The following LRP1B variants were observed in gnomAD, a reference collection of about 807,000 sequenced individuals.
The protein encoded by LRP1B is LDL receptor related protein 1B.
In LRP1B, 217 loss-of-function variants were observed where a neutral mutation model predicts 556.6. The ratio of observed to expected loss-of-function variants is 0.39; its 90% CI spans 0.35 to 0.44. The LOEUF (loss-of-function observed/expected upper bound fraction) is 0.44, where lower values mean the gene tolerates loss of function less well. Among genes scored for constraint, LRP1B ranks in the 20% least tolerant of loss-of-function variants. The pLI, the probability that LRP1B is intolerant of heterozygous loss-of-function variation, is 1.00. For missense variants in LRP1B, 5,053 were observed against 5,620.8 expected (o/e 0.90, Z 3.23); for synonymous variants, 2,047 against 1,865.8 (o/e 1.10, Z -2.50).
At chr2:141,856,145 A>G (rs1698043545) in intron 1 of LRP1B, among the ~76,000 whole-genome samples, 1 of 152,160 alleles carries the variant, frequency 6.6e-6, no homozygotes, top group African/African-American at 2.4e-5. Context: ...CATTTTATGC[A>G]ACCTTCTTGA....
intron 43 of LRP1B, among the ~76,000 whole-genome samples, chr2:140,559,494 T>C (rs1393991821): frequency 6.6e-6 from 1 of 152,036 alleles, no homozygotes; most frequent in Non-Finnish European, 1.5e-5. Context: ...TTAAATCAAC[T>C]GCAGATTTGT....
chr2:142,105,220 T>G (rs1345507165), intron 1 of LRP1B, among the ~76,000 whole-genome samples: 1 of 152,194 alleles, frequency 6.6e-6, no homozygotes. Flanking sequence ...ACGTTTCATT[T>G]TATTCTAAAA....
At chr2:141,801,260 C>A (rs1376742685) in intron 2 of LRP1B, among the ~76,000 whole-genome samples, 1 of 151,944 alleles carries the variant, frequency 6.6e-6, no homozygotes, top group Non-Finnish European at 1.5e-5. Flanking sequence ...GTCAAGTATA[C>A]AAGTTTGTTT....
At chr2:141,151,899 TTATAAC>T (rs905876939) in intron 7 of LRP1B, among the ~76,000 whole-genome samples, 23 of 152,162 alleles carry the variant, frequency 1.5e-4, no homozygotes, top group Admixed American at 1.3e-3. Context: ...TTGTGGAAGT[TTATAAC>T]TATGGCAAGA....
intron 6 of LRP1B, among the ~76,000 whole-genome samples, chr2:141,223,631 ATAC>A (rs1221145789): frequency 1.3e-5 from 2 of 152,210 alleles, no homozygotes; most frequent in African/African-American, 4.8e-5. Context: ...ACTTCAAACT[ATAC>A]TACAAGGCTA....
intron 1 of LRP1B, among the ~76,000 whole-genome samples, chr2:142,004,537 T>C (rs1702746485): frequency 1.3e-5 from 2 of 151,962 alleles, no homozygotes; most frequent in African/African-American, 2.4e-5. Context: ...AATATATATT[T>C]CTATATTATT....
At chr2:140,418,010 T>C (rs1685273656) in intron 66 of LRP1B, among the ~76,000 whole-genome samples, 1 of 152,160 alleles carries the variant, frequency 6.6e-6, no homozygotes, top group African/African-American at 2.4e-5. Context: ...CAGAGATTTC[T>C]TTTAGAAAAC....
In LRP1B at chr2:141,436,183, C is replaced by T. The variant is rs78195192; in HGVS notation, c.343+44213G>A. ...TGTACATGATGATTTAACATATGTA[C>T]ATATGTATACATTATGAAATGATTA... On this transcript the variant is annotated intron_variant, in intron 3 of 90. Coordinates refer to ENST00000389484, the MANE Select transcript of LRP1B (RefSeq NM_018557.3). Among the ~76,000 whole-genome samples, 496 of 152,236 alleles carry T rather than the reference C, an allele frequency of 3.3e-3. 2 individuals are homozygous for T. Among genetic ancestry groups the T allele is most frequent in the African/African-American group, 0.012 (482 of 41,534 alleles).
At chr2:141,224,207 A>G (rs574011267) in intron 6 of LRP1B, among the ~76,000 whole-genome samples, 1 of 152,228 alleles carries the variant, frequency 6.6e-6, no homozygotes, top group South Asian at 2.1e-4. Flanking sequence ...AAACACCTCA[A>G]AAGATGACAT....
chr2:140,306,114 C>CT (rs1684053987), intron 83 of LRP1B, among the ~76,000 whole-genome samples: 1 of 136,186 alleles, frequency 7.3e-6, no homozygotes, highest in African/African-American at 2.5e-5. Context: ...CTAACATTCT[C>CT]TTTTTTTGTT....
intron 41 of LRP1B, among the ~76,000 whole-genome samples, chr2:140,653,637 T>G (rs1684766791): frequency 6.6e-6 from 1 of 152,206 alleles, no homozygotes; most frequent in South Asian, 2.1e-4. Context: ...AGATAATATA[T>G]GTGACCATAT....
At chr2:140,859,359 G>A (rs1332455213) in intron 27 of LRP1B, among the ~76,000 whole-genome samples, 1 of 152,044 alleles carries the variant, frequency 6.6e-6, no homozygotes, top group Non-Finnish European at 1.5e-5. Flanking sequence ...TGTCCTCTAA[G>A]GAGTGAATTA....
chr2:141,416,038 T>A (rs1346483102), intron 3 of LRP1B, among the ~76,000 whole-genome samples: 2 of 152,234 alleles, frequency 1.3e-5, no homozygotes, highest in Non-Finnish European at 2.9e-5. Flanking sequence ...AGAGTGATGA[T>A]AATGACCTAA....
intron 43 of LRP1B, among the ~76,000 whole-genome samples, chr2:140,576,638 C>T (rs1422533553): frequency 2.0e-5 from 3 of 152,180 alleles, no homozygotes; most frequent in African/African-American, 7.2e-5. Flanking sequence ...CCACTTCCTG[C>T]CCCCAAATTC....
chr2:140,898,818 G>A (rs1313417058), intron 23 of LRP1B: 12 of 501,238 alleles, frequency 2.4e-5, no homozygotes, highest in Non-Finnish European at 4.4e-5. Flanking sequence ...CTAGGCCACC[G>A]GATGTGGTGG....
chr2:140,594,430 C>CA (rs1682352936), intron 43 of LRP1B, among the ~76,000 whole-genome samples: 1 of 152,130 alleles, frequency 6.6e-6, no homozygotes, highest in African/African-American at 2.4e-5. Context: ...TTGTTTAAAA[C>CA]ATAGTTTTGA....
chr2:140,821,073 A>G (rs927729192), intron 31 of LRP1B, among the ~76,000 whole-genome samples: 4 of 152,044 alleles, frequency 2.6e-5, no homozygotes, highest in African/African-American at 9.7e-5. Flanking sequence ...CTCATGAAAA[A>G]CATTGAGTGT....
At position 141,471,268 on chromosome 2, in the gene LRP1B, A is replaced by ATT. The variant is rs1553518974; in HGVS notation, c.343+9126_343+9127dup. ...AATACTATTGAGAATATACCCTGGT[A>ATT]TTTTTTTTTTTTTTTTTTTTTTTTT... On this transcript the variant is annotated intron_variant, in intron 3 of 90. Transcript: ENST00000389484. Among the ~76,000 whole-genome samples, 86 of 31,856 alleles carry ATT rather than the reference A, an allele frequency of 2.7e-3. 5 individuals carry two copies. The highest frequency in any genetic ancestry group is 4.4e-3 in the African/African-American group (61 of 13,714). The allele number at this position is 31,856 out of a possible 152,430, so 20.9% of individuals were successfully genotyped here.
chr2:140,387,958 A>ATTTTTTATT (rs1683836243), intron 66 of LRP1B, among the ~76,000 whole-genome samples: 1 of 133,404 alleles, frequency 7.5e-6, no homozygotes. Flanking sequence ...TTTCCTGGAG[A>ATTTTTTATT]TGGAGTCTTG....
Sources: allele counts gnomAD v4.1 joint callset (sites outside exome capture counted in the v4.1 genomes callset), GRCh38; gene constraint gnomAD v4.1.1; transcripts MANE v1.5; gene names NCBI Gene and HGNC (gene_info 2026-07-23, HGNC 2026-07-21).